The following NHS variants were observed in gnomAD, a reference collection of about 807,000 sequenced individuals.
NHS encodes the protein actin remodeling regulator NHS.
Under a neutral mutation model 72.5 loss-of-function variants are expected in NHS, and 5 were observed. The observed-to-expected ratio is 0.07, with a 90% CI of 0.04 to 0.14. The LOEUF (loss-of-function observed/expected upper bound fraction) is 0.14. Among genes scored for constraint, NHS ranks in the 10% least tolerant of loss-of-function variants. The probability of loss-of-function intolerance (pLI) is 1.00; values close to 1 mark genes in which losing one functional copy is unlikely to be tolerated. For missense variants in NHS, 1,072 were observed against 1,355.7 expected, an observed-to-expected ratio of 0.79 and a Z score of 3.29; for synonymous variants, 464 against 547.7, an observed-to-expected ratio of 0.85 and a Z score of 2.13.
At chrX:17,475,544 C>T (rs2064913095) in intron 1 of NHS, among the ~76,000 whole-genome samples, 1 of 111,705 alleles carries the variant, frequency 9.0e-6, no homozygotes, top group East Asian at 2.8e-4. Flanking sequence ...TCCTTTAGGA[C>T]AAATTTGCAT....
chrX:17,461,211 G>A (rs1157059010), intron 1 of NHS, among the ~76,000 whole-genome samples: 2 of 111,833 alleles, frequency 1.8e-5, no homozygotes, highest in East Asian at 5.6e-4. Flanking sequence ...AAATGCACAC[G>A]CCAGGTATCG....
In NHS at chrX:17,532,485, T is replaced by C. The variant is rs1022802833; in HGVS notation, c.566-155257T>C. ...ACAGTATGGACGATGGCACCAGAAGTGTGCCTTGAGTTTCGTATCAACCTC... is the reference window on the plus strand; with the variant it reads ...ACAGTATGGACGATGGCACCAGAAGCGTGCCTTGAGTTTCGTATCAACCTC... On this transcript the variant is annotated intron_variant, in intron 1 of 8. Transcript: ENST00000676302. Among the ~76,000 whole-genome samples the C allele has an allele frequency of 9.8e-5, 11 of 111,839 alleles. No individual in the cohort carries two copies. The East Asian group carries it at 3.1e-3, about 32-fold the overall frequency.
intron 1 of NHS, among the ~76,000 whole-genome samples, chrX:17,538,931 C>T (rs2065248253): frequency 8.9e-6 from 1 of 112,194 alleles, no homozygotes; most frequent in Non-Finnish European, 1.9e-5. Context: ...TGTCTTTCTG[C>T]CTCCCTTTCA....
intron 1 of NHS, among the ~76,000 whole-genome samples, chrX:17,417,988 C>T (rs773034453): frequency 2.7e-5 from 3 of 112,029 alleles, no homozygotes; most frequent in Non-Finnish European, 5.6e-5. Flanking sequence ...CAGGATTATG[C>T]TTGACACCCA....
At chrX:17,444,228 T>C (rs1285531243) in intron 1 of NHS, among the ~76,000 whole-genome samples, 1 of 111,678 alleles carries the variant, frequency 9.0e-6, no homozygotes, top group Non-Finnish European at 1.9e-5. Flanking sequence ...TTTTGGAAAA[T>C]GTTTCTGCCC....
At chrX:17,624,532 T>C (rs1462855950) in intron 1 of NHS, among the ~76,000 whole-genome samples, 2 of 113,119 alleles carry the variant, frequency 1.8e-5, no homozygotes, top group African/African-American at 6.4e-5. Flanking sequence ...TTTCTAACTT[T>C]AGAAAAATGG....
chrX:17,542,583 T>C (rs1327410608), intron 1 of NHS, among the ~76,000 whole-genome samples: 1 of 112,630 alleles, frequency 8.9e-6, no homozygotes, highest in East Asian at 2.8e-4. Context: ...TGTGGCTTGC[T>C]GGGTCAGCTT....
intron 1 of NHS, among the ~76,000 whole-genome samples, chrX:17,525,251 C>A (rs1199727461): frequency 1.8e-5 from 2 of 112,060 alleles, no homozygotes; most frequent in Non-Finnish European, 3.8e-5. Context: ...GCACCTGGTT[C>A]TTTTACACAG....
At chrX:17,712,247 GTGTGTGTATATATATATATATATATA>G (rs2066333763) in intron 3 of NHS, among the ~76,000 whole-genome samples, 1 of 59,949 alleles carries the variant, frequency 1.7e-5, no homozygotes, top group African/African-American at 1.0e-4. Flanking sequence ...GGCCTTTTGT[GTGTGTGTATATATATATATATATATA>G]TATATATATA....
intron 1 of NHS, among the ~76,000 whole-genome samples, chrX:17,570,475 G>C (rs747995817): frequency 4.5e-5 from 5 of 111,694 alleles, no homozygotes; most frequent in African/African-American, 1.6e-4. Flanking sequence ...CTGTTTGTCT[G>C]TTATTGGTGT....
chrX:17,568,324 G>A (rs1309173095), intron 1 of NHS, among the ~76,000 whole-genome samples: 8 of 111,912 alleles, frequency 7.1e-5, no homozygotes, highest in East Asian at 5.6e-4. Flanking sequence ...TCATGCTAGC[G>A]CAATGAAGAA....
rs183253611 is a variant in NHS at position 17,606,567 on chromosome X, T to C, written c.566-81175T>C. On this transcript the variant is annotated intron_variant, in intron 1 of 8. Transcript: ENST00000676302. ...AAAATGACCCTGTTGATTTATTGTG[T>C]TTGATCAAAAACGACCAGTTGGAGG... is the stretch of plus-strand genomic sequence containing the variant. Among the ~76,000 whole-genome samples, 5 of 112,272 alleles carry C rather than the reference T, an allele frequency of 4.5e-5. No homozygotes were observed. In the East Asian group the frequency reaches 1.1e-3, roughly 25 times the overall value.
intron 1 of NHS, among the ~76,000 whole-genome samples, chrX:17,428,613 G>A (rs754822487): frequency 1.4e-4 from 16 of 111,598 alleles, no homozygotes; most frequent in Non-Finnish European, 2.8e-4. Context: ...CCACAGAGAT[G>A]GCAGGTCAGC....
At chrX:17,652,141 T>A (rs2147085255) in intron 1 of NHS, among the ~76,000 whole-genome samples, 1 of 112,696 alleles carries the variant, frequency 8.9e-6, no homozygotes, top group South Asian at 3.7e-4. Flanking sequence ...TAAAATACTT[T>A]CTACCTGGCC....
In NHS at chrX:17,687,778, T is replaced by C. The variant is rs758384516; in HGVS notation, c.602T>C (p.Val201Ala). ...SNLDIESKLSVYYRAPWHQQR... is the reference protein window; with the variant it reads ...SNLDIESKLSAYYRAPWHQQR... The stretch of plus-strand genomic sequence containing the variant: ...CTGGACATAGAGAGTAAGCTGAGTG[T>C]GTACTACCGCGCCCCGTGGCACCAG... The change falls in exon 2 of 9, where the codon GTG becomes GCG. Residue 201 changes from valine (V) to alanine (A), a missense_variant. Coordinates refer to ENST00000676302, the MANE Select transcript of NHS (RefSeq NM_001291867.2). The C allele has an allele frequency of 5.0e-6, 6 of 1,210,154 alleles. No homozygotes were observed. Among genetic ancestry groups the C allele is most frequent in the Middle Eastern group, 2.3e-4 (1 of 4,375 alleles).
At chrX:17,429,486 TTC>T (rs2064676829) in intron 1 of NHS, among the ~76,000 whole-genome samples, 1 of 111,606 alleles carries the variant, frequency 9.0e-6, no homozygotes, top group South Asian at 3.8e-4. Flanking sequence ...TATAATTTAA[TTC>T]TGTTTTTTGT....
At position 17,564,987 on chromosome X, in the gene NHS, T is replaced by A. The variant is rs527612516; in HGVS notation, c.566-122755T>A. ...CAGCCACATTTTTTTTTATTTATTT[T>A]TTTTTTTTGCAGCAACTCCCATTAA... is the stretch of plus-strand genomic sequence containing the variant. On this transcript the variant is annotated intron_variant, in intron 1 of 8. Coordinates refer to ENST00000676302, the MANE Select transcript of NHS (RefSeq NM_001291867.2). 2.0e-3 allele frequency among the ~76,000 whole-genome samples: 215 copies of A among 109,169 alleles called. 1 individual carries two copies. Among genetic ancestry groups the A allele is most frequent in the Middle Eastern group, 9.4e-3 (2 of 212 alleles). 94.8% of individuals were successfully genotyped at this position (109,169 alleles called of 115,157 possible).
chrX:17,597,740 A>C (rs1187967982), intron 1 of NHS, among the ~76,000 whole-genome samples: 1 of 110,789 alleles, frequency 9.0e-6, no homozygotes, highest in African/African-American at 3.3e-5. Context: ...CTTTGATTGA[A>C]GAGCCAGCTG....
chrX:17,411,620 G>C (rs1358296971), intron 1 of NHS, among the ~76,000 whole-genome samples: 1 of 111,752 alleles, frequency 8.9e-6, no homozygotes, highest in Non-Finnish European at 1.9e-5. Flanking sequence ...AAAAAAAGAA[G>C]ACAATTTTAT....
Sources: gnomAD v4.1 joint callset for allele counts (sites outside exome capture counted in the v4.1 genomes callset) on GRCh38, gnomAD v4.1.1 for gene constraint, MANE v1.5 for transcripts, NCBI Gene and HGNC (gene_info 2026-07-23, HGNC 2026-07-21) for gene names.